LRRC18: variants seen among roughly 807,000 people sequenced by gnomAD.
LRRC18 encodes leucine rich repeat containing 18.
Under a neutral mutation model 11.2 loss-of-function variants are expected in LRRC18, and 12 were observed. The observed-to-expected ratio is 1.07, with a 90% CI of 0.69 to 1.74. The LOEUF (loss-of-function observed/expected upper bound fraction) is 1.74, where lower values mean the gene tolerates loss of function less well. Ranked by LOEUF, LRRC18 falls within the 40% of genes most tolerant of loss-of-function variation. The probability of loss-of-function intolerance (pLI) is 0.00; values close to 1 mark genes in which losing one functional copy is unlikely to be tolerated. For missense variants in LRRC18, 374 were observed against 330.5 expected (o/e 1.13, Z -1.02); for synonymous variants, 155 against 130.6 (o/e 1.19, Z -1.27).
exon 1 of LRRC18, chr10:48,913,737 A>G (rs765631921): frequency 6.2e-7 from 1 of 1,613,480 alleles, no homozygotes; most frequent in Non-Finnish European, 8.5e-7. Context: ...CAGGGCCCCC[A>G]GTGTGGTGGG....
At chr10:48,920,372 G>T in the LRRC18 span, among the ~76,000 whole-genome samples, 12 of 151,840 alleles carry the variant, frequency 7.9e-5, no homozygotes, top group South Asian at 2.1e-4. Flanking sequence ...GTTGTGGGGT[G>T]GGGGGAAGGG....
At chr10:48,931,789 A>G in the LRRC18 span, among the ~76,000 whole-genome samples, 1 of 152,230 alleles carries the variant, frequency 6.6e-6, no homozygotes, top group Non-Finnish European at 1.5e-5. Context: ...ATCTGAAATC[A>G]TGACTGAAGC....
At chr10:48,927,328 G>A in the LRRC18 span, among the ~76,000 whole-genome samples, 3 of 152,210 alleles carry the variant, frequency 2.0e-5, no homozygotes, top group South Asian at 4.1e-4. Context: ...TCAGTCATCC[G>A]CAACACTCTC....
upstream of LRRC18, among the ~76,000 whole-genome samples, chr10:48,914,962 T>C (rs1838378359): frequency 6.6e-6 from 1 of 152,190 alleles, no homozygotes; most frequent in Admixed American, 6.5e-5. Context: ...TCAACTCCTC[T>C]GCACAGAAAC....
At chr10:48,924,114 G>C in the LRRC18 span, among the ~76,000 whole-genome samples, 2 of 152,236 alleles carry the variant, frequency 1.3e-5, no homozygotes, top group Non-Finnish European at 2.9e-5. Flanking sequence ...GTGAGGGCTG[G>C]CTAGGATAAT....
the LRRC18 span, among the ~76,000 whole-genome samples, chr10:48,936,852 GA>G: frequency 3.1e-3 from 446 of 142,572 alleles, 3 homozygotes; most frequent in African/African-American, 0.011. Context: ...AAAAAAAAAA[GA>G]AAAAAAAAGA....
chr10:48,928,752 C>T, the LRRC18 span, among the ~76,000 whole-genome samples: 2 of 152,192 alleles, frequency 1.3e-5, no homozygotes, highest in African/African-American at 4.8e-5. Flanking sequence ...GCTCGCAGCC[C>T]TGTGGCAGCT....
the LRRC18 span, among the ~76,000 whole-genome samples, chr10:48,930,176 C>G: frequency 6.6e-6 from 1 of 152,172 alleles, no homozygotes; most frequent in African/African-American, 2.4e-5. Flanking sequence ...CAGAAAGGGT[C>G]TCAGCTCTCA....
At chr10:48,912,107 T>C (rs12777295) in intron 1 of LRRC18, among the ~76,000 whole-genome samples, 20,770 of 152,236 alleles carry the variant, frequency 0.14, 1,582 homozygotes, top group Middle Eastern at 0.22. Flanking sequence ...TTTACCCACA[T>C]GAAGGTGTGA....
chr10:48,913,870 T>C, exon 1 of LRRC18: 1 of 1,614,092 alleles, frequency 6.2e-7, no homozygotes, highest in Non-Finnish European at 8.5e-7. Flanking sequence ...AGCAGGCTGG[T>C]CATCTGGCCA....
At chr10:48,930,030 C>T in the LRRC18 span, among the ~76,000 whole-genome samples, 4 of 152,106 alleles carry the variant, frequency 2.6e-5, no homozygotes, top group African/African-American at 9.7e-5. Flanking sequence ...TCTCCTCCCC[C>T]ACCTACCCCA....
chr10:48,918,567 T>C (rs1838762473), upstream of LRRC18, among the ~76,000 whole-genome samples: 1 of 152,186 alleles, frequency 6.6e-6, no homozygotes. Flanking sequence ...AGCTTCAATT[T>C]AAATGAAGCA....
the LRRC18 span, among the ~76,000 whole-genome samples, chr10:48,931,867 G>T: frequency 1.3e-5 from 2 of 152,166 alleles, no homozygotes; most frequent in Non-Finnish European, 2.9e-5. Context: ...CATAACTATT[G>T]CCAGGAGAAT....
chr10:48,932,964 C>T, the LRRC18 span, among the ~76,000 whole-genome samples: 1 of 152,082 alleles, frequency 6.6e-6, no homozygotes, highest in South Asian at 2.1e-4. Flanking sequence ...GCAAGGTGGG[C>T]CATGTGCTCA....
upstream of LRRC18, among the ~76,000 whole-genome samples, chr10:48,919,213 A>G (rs552561166): frequency 6.6e-6 from 1 of 152,178 alleles, no homozygotes; most frequent in Non-Finnish European, 1.5e-5. Context: ...TACACATATC[A>G]GGAGTTAAAG....
the LRRC18 span, among the ~76,000 whole-genome samples, chr10:48,926,675 T>C: frequency 6.6e-6 from 1 of 152,238 alleles, no homozygotes; most frequent in East Asian, 1.9e-4. Flanking sequence ...ACCATATATA[T>C]GTGGGTATAT....
chr10:48,915,483 A>G (rs191036010), upstream of LRRC18, among the ~76,000 whole-genome samples: 222 of 151,922 alleles, frequency 1.5e-3, no homozygotes, highest in South Asian at 8.3e-3. Context: ...ACAAACTTGC[A>G]TTGCCTCTGT....
chr10:48,914,296 A>G (rs542041946), upstream of LRRC18: 176 of 886,206 alleles, frequency 2.0e-4, no homozygotes, highest in African/African-American at 2.8e-3. Flanking sequence ...CCCCCACGTC[A>G]TGACGCTTTG....
upstream of LRRC18, among the ~76,000 whole-genome samples, chr10:48,915,136 C>T (rs114549109): frequency 6.6e-6 from 1 of 152,128 alleles, no homozygotes; most frequent in African/African-American, 2.4e-5. Context: ...AAAACAGACA[C>T]CCTTACAGAG....
Sources: gnomAD v4.1 joint callset for allele counts (sites outside exome capture counted in the v4.1 genomes callset) on GRCh38, gnomAD v4.1.1 for gene constraint, MANE v1.5 for transcripts, NCBI Gene and HGNC (gene_info 2026-07-23, HGNC 2026-07-21) for gene names.